The following MCPH1 variants were observed in gnomAD, a reference collection of about 807,000 sequenced individuals.
The protein encoded by MCPH1 is microcephalin 1, also known as microcephalin.
MCPH1 carries 104 observed loss-of-function variants against 84.5 expected under a neutral mutation model. That is an observed-to-expected ratio of 1.23 (90% CI 1.05 to 1.45). MCPH1 has a LOEUF of 1.45. Ranked by LOEUF, MCPH1 falls within the 40% of genes most tolerant of loss-of-function variation. The pLI is 0.00. For synonymous variants in MCPH1, 514 were observed against 366.8 expected, an observed-to-expected ratio of 1.40 and a Z score of -4.58; for missense variants, 1,498 against 1,005.7, an observed-to-expected ratio of 1.49 and a Z score of -6.62.
chr8:6,613,212 A>C (rs570357621), intron 12 of MCPH1, among the ~76,000 whole-genome samples: 2 of 152,274 alleles, frequency 1.3e-5, no homozygotes, highest in East Asian at 3.9e-4. Context: ...AGCGTGAGAA[A>C]GGGCTTATAG....
chr8:6,437,977 G>A (rs1043716402), intron 5 of MCPH1, among the ~76,000 whole-genome samples: 2 of 152,038 alleles, frequency 1.3e-5, no homozygotes, highest in African/African-American at 4.8e-5. Flanking sequence ...CCCCTCCCTG[G>A]TTTAAAATTT....
intron 12 of MCPH1, among the ~76,000 whole-genome samples, chr8:6,544,788 T>C (rs547652898): frequency 6.6e-6 from 1 of 152,188 alleles, no homozygotes; most frequent in Non-Finnish European, 1.5e-5. Context: ...CTCCCTTACC[T>C]CCTGACTTGA....
At chr8:6,583,374 A>G (rs1217782328) in intron 12 of MCPH1, among the ~76,000 whole-genome samples, 4 of 152,230 alleles carry the variant, frequency 2.6e-5, no homozygotes, top group African/African-American at 7.2e-5. Flanking sequence ...AAACAAAAAC[A>G]CACACAAATA....
At chr8:6,473,687 T>C (rs997833400) in intron 9 of MCPH1, among the ~76,000 whole-genome samples, 1 of 152,200 alleles carries the variant, frequency 6.6e-6, no homozygotes, top group South Asian at 2.1e-4. Flanking sequence ...AGCTTTCTCA[T>C]GGAGAAAAAG....
At chr8:6,629,015 G>C (rs1312522713) in intron 13 of MCPH1, among the ~76,000 whole-genome samples, 1 of 152,196 alleles carries the variant, frequency 6.6e-6, no homozygotes, top group Non-Finnish European at 1.5e-5. Context: ...CTCATGTTAT[G>C]GGCTGAATTT....
chr8:6,559,973 T>C (rs898263621), intron 12 of MCPH1, among the ~76,000 whole-genome samples: 1 of 152,248 alleles, frequency 6.6e-6, no homozygotes, highest in Non-Finnish European at 1.5e-5. Flanking sequence ...GCCGGACAGA[T>C]TAAAGGGGCA....
intron 13 of MCPH1, among the ~76,000 whole-genome samples, chr8:6,623,934 C>A (rs939261870): frequency 1.3e-5 from 2 of 152,196 alleles, no homozygotes. Flanking sequence ...CGATTGATAT[C>A]CACAGTGCAT....
intron 11 of MCPH1, among the ~76,000 whole-genome samples, chr8:6,488,153 C>T (rs991582074): frequency 8.5e-5 from 13 of 152,348 alleles, no homozygotes; most frequent in South Asian, 4.1e-4. Flanking sequence ...CTGCAGGCTG[C>T]GGCAGCGTGG....
intron 12 of MCPH1, among the ~76,000 whole-genome samples, chr8:6,573,042 A>G (rs1306331236): frequency 6.6e-6 from 1 of 152,272 alleles, no homozygotes; most frequent in Non-Finnish European, 1.5e-5. Context: ...TTAAAAAATA[A>G]ATAAATAAAA....
rs2129555622 is a variant in MCPH1 at position 6,444,638 on chromosome 8, A to G, written c.916A>G (p.Ile306Val). 1 of 1,613,920 alleles carries G rather than the reference A, an allele frequency of 6.2e-7. No homozygotes were observed. Among genetic ancestry groups the G allele is most frequent in the South Asian group, 1.1e-5 (1 of 91,086 alleles). Residue 306 changes from isoleucine (I) to valine (V), a missense_variant, in exon 8 of 14, where the codon ATT (isoleucine) becomes GTT (valine). Ile to Val is a conservative substitution (Grantham distance 29). Transcript: ENST00000344683. ...GGAAGAAATAAACTTGCAAAGAAAT[A>G]TTGCAGGTAAAGTAGTCACCCCTGA... Reference protein sequence around the residue: ...SKEEINLQRNIAGKVVTPDQK... With the variant: ...SKEEINLQRNVAGKVVTPDQK...
At chr8:6,524,980 G>A (rs1233613730) in intron 12 of MCPH1, among the ~76,000 whole-genome samples, 1 of 152,218 alleles carries the variant, frequency 6.6e-6, no homozygotes, top group East Asian at 1.9e-4. Context: ...GTGCATGTCT[G>A]TCTAGGTGAA....
intron 12 of MCPH1, among the ~76,000 whole-genome samples, chr8:6,597,546 C>T (rs940929965): frequency 2.6e-5 from 4 of 152,168 alleles, no homozygotes; most frequent in South Asian, 2.1e-4. Context: ...TCTCCCAGCC[C>T]AGAACATTCA....
chr8:6,421,199 C>T (rs1245950941), intron 3 of MCPH1, among the ~76,000 whole-genome samples: 1 of 152,298 alleles, frequency 6.6e-6, no homozygotes, highest in East Asian at 1.9e-4. Flanking sequence ...AATGGCCTCT[C>T]CCTGGCGTCT....
rs189720652 is a variant in MCPH1 at position 6,611,036 on chromosome 8, C to T, written c.2215-10418C>T. Among the ~76,000 whole-genome samples the T allele has an allele frequency of 7.9e-5, 12 of 152,228 alleles. No individual in the cohort carries two copies. The South Asian group carries it at 2.1e-3, about 26-fold the overall frequency. The stretch of plus-strand genomic sequence containing the variant: ...GCAAGCTGCAGGCAGAACTGTTCCT[C>T]TAAAAGAAAACAAACTCCTGTTTTT... On this transcript the variant is annotated intron_variant, in intron 12 of 13. Transcript: ENST00000344683.
chr8:6,553,842 A>G (rs1307376918), intron 12 of MCPH1, among the ~76,000 whole-genome samples: 1 of 152,080 alleles, frequency 6.6e-6, no homozygotes. Context: ...GCCACTGAGG[A>G]TGGCACTGGC....
chr8:6,564,567 C>T (rs1825983845), intron 12 of MCPH1, among the ~76,000 whole-genome samples: 1 of 95,974 alleles, frequency 1.0e-5, no homozygotes, highest in African/African-American at 2.8e-5. Flanking sequence ...GGGAAAAAGC[C>T]CCCTGCCTTT....
chr8:6,447,358 C>G (rs1804552148), intron 8 of MCPH1: 4 of 985,242 alleles, frequency 4.1e-6, no homozygotes, highest in Non-Finnish European at 4.8e-6. Flanking sequence ...GTACAGCAAA[C>G]TGTACCTCCA....
intron 1 of MCPH1, among the ~76,000 whole-genome samples, chr8:6,408,977 C>T (rs1387282160): frequency 6.6e-6 from 1 of 152,064 alleles, no homozygotes; most frequent in Admixed American, 6.6e-5. Context: ...CCTCTGCCTC[C>T]CGGGTTCAAG....
chr8:6,577,013 C>A (rs1050033814), intron 12 of MCPH1, among the ~76,000 whole-genome samples: 5 of 152,136 alleles, frequency 3.3e-5, no homozygotes, highest in Non-Finnish European at 7.4e-5. Context: ...TGTGAGGAGG[C>A]CCCCTTTGCC....
Sources: gnomAD v4.1 joint callset for allele counts (sites outside exome capture counted in the v4.1 genomes callset) on GRCh38, gnomAD v4.1.1 for gene constraint, MANE v1.5 for transcripts, NCBI Gene and HGNC (gene_info 2026-07-23, HGNC 2026-07-21) for gene names.